Variants in TRAPPC12 observed in about 807,000 individuals in gnomAD.
TRAPPC12 encodes TPR repeat protein 15.
Under a neutral mutation model 69.2 loss-of-function variants are expected in TRAPPC12, and 61 were observed. The observed-to-expected ratio is 0.88, with a 90% CI of 0.72 to 1.09. The LOEUF is 1.09. Ranked by LOEUF, TRAPPC12 falls within the 50% of genes least tolerant of loss-of-function variation. The probability of loss-of-function intolerance (pLI) is 0.00; values close to 1 mark genes in which losing one functional copy is unlikely to be tolerated. For synonymous variants in TRAPPC12, 469 were observed against 438.9 expected (o/e 1.07, Z -0.86); for missense variants, 1,101 against 1,016.4 (o/e 1.08, Z -1.13).
intron 6 of TRAPPC12, among the ~76,000 whole-genome samples, chr2:3,444,860 C>G (rs1176083341): frequency 1.3e-5 from 2 of 152,140 alleles, no homozygotes; most frequent in Non-Finnish European, 2.9e-5. Context: ...TTTTTATTAC[C>G]ATAACTTAAA....
At chr2:3,423,344 G>C (rs1662922689) in intron 4 of TRAPPC12, among the ~76,000 whole-genome samples, 1 of 151,816 alleles carries the variant, frequency 6.6e-6, no homozygotes, top group Non-Finnish European at 1.5e-5. Flanking sequence ...GTGTGTGTGT[G>C]TGTGTGTGTA....
Position 3,464,164 on chromosome 2 carries a change from G to A in TRAPPC12, c.1678-1433G>A, listed in dbSNP as rs1056428156. Among the ~76,000 whole-genome samples, 4 of 151,670 alleles carry A rather than the reference G, an allele frequency of 2.6e-5. No individual in the cohort carries two copies. In the East Asian group the frequency reaches 5.8e-4, roughly 22 times the overall value. On this transcript the variant is annotated intron_variant, in intron 8 of 11. Transcript: ENST00000324266. ...CACACACACACATGCTCACACACAC[G>A]CTCACACTCATACACAATGCTCACA...
rs779167794 is a variant in TRAPPC12, at chr2:3,388,079, C to T, written c.456C>T (p.Pro152=). 1.3e-6 allele frequency: 2 copies of T among 1,535,092 alleles called. No individual in the cohort carries two copies. The highest frequency in any genetic ancestry group is 1.4e-5 in the African/African-American group (1 of 71,292). Residue 152 remains proline, a synonymous_variant, in exon 2 of 12, where the codon CCC becomes CCT. Coordinates refer to ENST00000324266, the MANE Select transcript of TRAPPC12 (RefSeq NM_016030.6). ...CCGCGCGCCCGGAGCAGGAGCCTCC[C>T]GTTGCGGAGCCGGTCCCGGTGTGCA... ...SEAARPEQEP[P]VAEPVPVCTI...
intron 9 of TRAPPC12, among the ~76,000 whole-genome samples, chr2:3,473,453 G>A (rs1292945854): frequency 6.6e-6 from 1 of 152,204 alleles, no homozygotes; most frequent in Middle Eastern, 3.2e-3. Context: ...TTTCCGTGTT[G>A]GTTTTTGGGT....
chr2:3,447,863 T>A (rs1169205118), intron 6 of TRAPPC12, among the ~76,000 whole-genome samples: 1 of 152,166 alleles, frequency 6.6e-6, no homozygotes, highest in Non-Finnish European at 1.5e-5. Flanking sequence ...ATTCTGATTT[T>A]CCCAGACCTT....
chr2:3,478,151 CTGTGTCTGGATCCCGTGCTCTGGTGT>C (rs1666380015), intron 10 of TRAPPC12: 1 of 172,014 alleles, frequency 5.8e-6, no homozygotes, highest in Non-Finnish European at 1.2e-5. Flanking sequence ...CTCTGGTGTT[CTGTGTCTGGATCCCGTGCTCTGGTGT>C]TCTGTGGTAG....
Position 3,459,771 on chromosome 2 carries a change from T to G in TRAPPC12, c.1604-492T>G, listed in dbSNP as rs1470651029. Among the ~76,000 whole-genome samples, 3 of 152,232 alleles carry G rather than the reference T, an allele frequency of 2.0e-5. No homozygotes were observed. In the East Asian group the frequency reaches 5.8e-4, roughly 29 times the overall value. ...AGCACTCCTTGGGGGAACCGGCGTC[T>G]GCACCAGCCCATGGTCGGGAGGCAG... On this transcript the variant is annotated intron_variant, in intron 7 of 11. Coordinates refer to ENST00000324266, the MANE Select transcript of TRAPPC12 (RefSeq NM_016030.6).
chr2:3,454,145 C>T (rs1665002143), intron 6 of TRAPPC12, among the ~76,000 whole-genome samples: 1 of 152,248 alleles, frequency 6.6e-6, no homozygotes, highest in Non-Finnish European at 1.5e-5. Context: ...CAGATCCCTG[C>T]AGGCACTTGG....
intron 9 of TRAPPC12, among the ~76,000 whole-genome samples, chr2:3,470,224 G>A (rs546480244): frequency 2.6e-5 from 4 of 152,360 alleles, no homozygotes; most frequent in African/African-American, 7.2e-5. Context: ...CAACCCTAGC[G>A]AGGAGGGAGC....
intron 3 of TRAPPC12, among the ~76,000 whole-genome samples, chr2:3,418,684 AG>A (rs1405928054): frequency 6.6e-6 from 1 of 152,112 alleles, no homozygotes; most frequent in Non-Finnish European, 1.5e-5. Flanking sequence ...CTCAGGCAGT[AG>A]GGGGTGGGGG....
At chr2:3,395,655 C>T (rs1433637902) in intron 2 of TRAPPC12, among the ~76,000 whole-genome samples, 1 of 151,416 alleles carries the variant, frequency 6.6e-6, no homozygotes, top group African/African-American at 2.4e-5. Context: ...CTCCGCCTCC[C>T]AGGTTTAAGT....
chr2:3,383,232 T>C (rs1380690519), intron 1 of TRAPPC12, among the ~76,000 whole-genome samples: 3 of 152,224 alleles, frequency 2.0e-5, no homozygotes, highest in South Asian at 4.1e-4. Context: ...TTTAGGTTTT[T>C]AATGATAGAA....
At chr2:3,461,961 C>G (rs1226360646) in intron 8 of TRAPPC12, among the ~76,000 whole-genome samples, 3 of 152,238 alleles carry the variant, frequency 2.0e-5, no homozygotes, top group African/African-American at 7.2e-5. Flanking sequence ...CCCCACCTGG[C>G]GGTCTGGGCG....
chr2:3,438,509 G>T (rs116604847), intron 5 of TRAPPC12, among the ~76,000 whole-genome samples: 4,313 of 73,412 alleles, frequency 0.059, 159 homozygotes, highest in Non-Finnish European at 0.084. Flanking sequence ...GCCACCCCTG[G>T]ATCAATCCCC....
intron 3 of TRAPPC12, among the ~76,000 whole-genome samples, chr2:3,404,878 G>A (rs1243200877): frequency 6.8e-6 from 1 of 147,556 alleles, no homozygotes; most frequent in Non-Finnish European, 1.5e-5. Flanking sequence ...AGAGTGGGGG[G>A]CGGTTACGGG....
chr2:3,468,271 C>T (rs10200914), intron 9 of TRAPPC12, among the ~76,000 whole-genome samples: 2 of 151,920 alleles, frequency 1.3e-5, no homozygotes, highest in African/African-American at 4.8e-5. Context: ...GCCCTCTCAG[C>T]AAGCTCTCCC....
intron 3 of TRAPPC12, among the ~76,000 whole-genome samples, chr2:3,413,569 T>C (rs1379316474): frequency 1.3e-5 from 2 of 152,198 alleles, no homozygotes; most frequent in Non-Finnish European, 2.9e-5. Flanking sequence ...TTATAAATCA[T>C]GTCCCAAGAA....
intron 4 of TRAPPC12, 49 bp from the exon 5 acceptor site, chr2:3,424,476 A>G: frequency 1.3e-6 from 2 of 1,561,042 alleles, no homozygotes; most frequent in African/African-American, 1.4e-5. Context: ...CAAATTCTGA[A>G]CTGGATATAT....
intron 8 of TRAPPC12, among the ~76,000 whole-genome samples, chr2:3,463,908 G>A (rs1197956217): frequency 6.6e-6 from 1 of 152,138 alleles, no homozygotes; most frequent in African/African-American, 2.4e-5. Flanking sequence ...AAGCCTAGGG[G>A]GGCAGCTGCT....
Sources: allele counts gnomAD v4.1 joint callset (sites outside exome capture counted in the v4.1 genomes callset), GRCh38; gene constraint gnomAD v4.1.1; transcripts MANE v1.5; gene names NCBI Gene and HGNC (gene_info 2026-07-23, HGNC 2026-07-21).